The following RBM6 variants were observed in gnomAD, a reference collection of about 807,000 sequenced individuals.
RBM6 encodes the protein RNA binding motif protein 6, also known as RNA-binding protein 6.
A neutral mutation model predicts 140.4 loss-of-function variants in RBM6; 23 were observed. The ratio of observed to expected loss-of-function variants is 0.16; its 90% CI spans 0.12 to 0.23. The LOEUF (loss-of-function observed/expected upper bound fraction) is 0.23, where lower values mean the gene tolerates loss of function less well. RBM6 is among the 10% of genes least tolerant of loss of function. The probability of loss-of-function intolerance (pLI) is 1.00; values close to 1 mark genes in which losing one functional copy is unlikely to be tolerated. For synonymous variants in RBM6, 439 were observed against 475.6 expected, an observed-to-expected ratio of 0.92 and a Z score of 1.00; for missense variants, 1,139 against 1,386.7, an observed-to-expected ratio of 0.82 and a Z score of 2.84.
At chr3:49,984,659 TC>T (rs1446005062) in intron 5 of RBM6, among the ~76,000 whole-genome samples, 10 of 130,990 alleles carry the variant, frequency 7.6e-5, no homozygotes, top group Non-Finnish European at 1.5e-4. Flanking sequence ...TCGCATCGCA[TC>T]GCATTGCATC....
intron 19 of RBM6, among the ~76,000 whole-genome samples, chr3:50,073,827 C>T (rs1052256129): frequency 1.7e-4 from 25 of 149,468 alleles, no homozygotes; most frequent in Non-Finnish European, 3.1e-4. Flanking sequence ...AGGTTTTTTA[C>T]AGTCTGACCC....
intron 6 of RBM6, among the ~76,000 whole-genome samples, chr3:50,006,514 G>T (rs755839169): frequency 1.9e-4 from 29 of 152,150 alleles, no homozygotes; most frequent in Non-Finnish European, 3.4e-4. Flanking sequence ...GACTACCGGG[G>T]GTTGCATTTC....
chr3:49,941,015 A>G (rs1369931203), intron 1 of RBM6: 3 of 150,806 alleles, frequency 2.0e-5, no homozygotes, highest in African/African-American at 7.3e-5. Flanking sequence ...GATTTAAGTG[A>G]AGGAGTTCAG....
chr3:50,062,785 C>T (rs533368459), intron 15 of RBM6, among the ~76,000 whole-genome samples: 33 of 151,994 alleles, frequency 2.2e-4, no homozygotes, highest in Middle Eastern at 3.4e-3. Context: ...TCTATATACT[C>T]TATTATTTTT....
chr3:50,022,749 T>C (rs1411161629), intron 6 of RBM6, among the ~76,000 whole-genome samples: 1 of 152,094 alleles, frequency 6.6e-6, no homozygotes, highest in Non-Finnish European at 1.5e-5. Context: ...CAGCCAAAAA[T>C]GAAAAATAGG....
In RBM6 at chr3:50,070,445, T is replaced by A; in HGVS notation, c.3019-10T>A. 1 of 1,609,730 alleles carries A rather than the reference T, an allele frequency of 6.2e-7. No homozygotes were observed. Among genetic ancestry groups the A allele is most frequent in the Non-Finnish European group, 8.5e-7 (1 of 1,176,126 alleles). ...GGCAATCTCAGGTCTGCTCTTCTGC[T>A]TACCAACAGGGAAAGTTTAAAGGAA... On this transcript the variant is annotated splice_polypyrimidine_tract_variant and intron_variant, in intron 18 of 20. Coordinates refer to ENST00000266022, the MANE Select transcript of RBM6 (RefSeq NM_005777.3).
chr3:49,988,446 C>CT lies in RBM6; in HGVS notation c.1484-10982dup, dbSNP rs1055139507. ...GGTGTGAGCCAGTGCGCCTGGCCTT[C>CT]TTTTTTTTTTTTAACCACTATTTTT... On this transcript the variant is annotated intron_variant, in intron 5 of 20. Transcript: ENST00000266022. Among the ~76,000 whole-genome samples the CT allele has an allele frequency of 1.8e-3, 257 of 144,704 alleles. 1 individual carries two copies. The highest frequency in any genetic ancestry group is 7.2e-3 in the Middle Eastern group (2 of 276). 94.9% of individuals were successfully genotyped at this position (144,704 alleles called of 152,430 possible). A position where few individuals can be genotyped will look rare whatever the true frequency, so the allele number is the denominator to read the frequency against.
At chr3:50,050,444 A>G (rs573420372) in intron 7 of RBM6, among the ~76,000 whole-genome samples, 2 of 152,234 alleles carry the variant, frequency 1.3e-5, no homozygotes, top group African/African-American at 4.8e-5. Context: ...TTGTTCATCC[A>G]TTCCTCAATT....
rs958730517 is a variant in RBM6, at chr3:49,968,047, A to G, written c.622A>G (p.Arg208Gly). 2 of 1,614,196 alleles carry G rather than the reference A, an allele frequency of 1.2e-6. No homozygotes were observed. The highest frequency in any genetic ancestry group is 1.7e-5 in the Admixed American group (1 of 60,008). The stretch of plus-strand genomic sequence containing the variant: ...TTTATCAGATTTGGATTTTAGGGCC[A>G]GAGAACAGTCCCGTTCTGATTTTAG... Reference protein sequence around the residue: ...RDLSDLDFRAREQSRSDFRNR... With the variant: ...RDLSDLDFRAGEQSRSDFRNR... Residue 208 changes from arginine (R) to glycine (G), a missense_variant, in exon 3 of 21, where the codon AGA becomes GGA. Transcript: ENST00000266022.
chr3:49,994,982 T>C (rs896229046), intron 5 of RBM6, among the ~76,000 whole-genome samples: 1 of 152,168 alleles, frequency 6.6e-6, no homozygotes, highest in African/African-American at 2.4e-5. Flanking sequence ...GGGCCTGTTA[T>C]AGACTAATAA....
chr3:49,958,608 G>A (rs1311297511), intron 1 of RBM6, among the ~76,000 whole-genome samples: 2 of 147,254 alleles, frequency 1.4e-5, no homozygotes, highest in African/African-American at 2.5e-5. Flanking sequence ...AAAATTAGCC[G>A]GGCGTGGTGG....
Position 49,975,193 on chromosome 3 carries a change from A to T in RBM6, c.1414-130A>T. ...CAATATGTGAATGCCTTGAGTGTTC[A>T]TAGTTTAACTTTGCTTTTCCAAAGT... is the stretch of plus-strand genomic sequence containing the variant. On this transcript the variant is annotated intron_variant, in intron 4 of 20. Coordinates refer to ENST00000266022, the MANE Select transcript of RBM6 (RefSeq NM_005777.3). 11 of 766,066 alleles carry T rather than the reference A, an allele frequency of 1.4e-5. 1 individual carries two copies. Among genetic ancestry groups the T allele is most frequent in the African/African-American group, 5.2e-5 (3 of 58,020 alleles). The allele number at this position is 766,066 out of a possible 1,614,324, so 47.5% of individuals were successfully genotyped here.
At chr3:50,058,110 T>G in intron 9 of RBM6, 107 bp downstream of exon 9, 4 of 1,361,960 alleles carry the variant, frequency 2.9e-6, no homozygotes, top group Non-Finnish European at 4.0e-6. Context: ...CTGAGAGATC[T>G]GTGCATGACC....
chr3:50,043,792 A>AG (rs1346349348), intron 6 of RBM6, among the ~76,000 whole-genome samples: 1 of 151,724 alleles, frequency 6.6e-6, no homozygotes, highest in Non-Finnish European at 1.5e-5. Context: ...CCATGTTGGC[A>AG]GGGATGGTCT....
Position 49,975,511 on chromosome 3 carries a change from C to T in RBM6, c.1483+119C>T, listed in dbSNP as rs554389210. On this transcript the variant is annotated intron_variant, in intron 5 of 20. Coordinates refer to ENST00000266022, the MANE Select transcript of RBM6 (RefSeq NM_005777.3). ...ACAATTAAAATTTCCAGAAGCCTCC[C>T]GTTGGTGCCTCCAAATAACAACCAG... The T allele has an allele frequency of 1.8e-3, 1,445 of 812,372 alleles. 24 individuals are homozygous for T. In the South Asian group the frequency reaches 0.021, roughly 12 times the overall value. The allele number at this position is 812,372 out of a possible 1,614,324, so 50.3% of individuals were successfully genotyped here.
chr3:50,026,965 A>T (rs1160122556), intron 6 of RBM6, among the ~76,000 whole-genome samples: 3 of 151,784 alleles, frequency 2.0e-5, no homozygotes, highest in African/African-American at 7.3e-5. Context: ...TTTCATTCGC[A>T]TCCCTAAAAG....
intron 6 of RBM6, among the ~76,000 whole-genome samples, chr3:50,009,101 G>A (rs1200182600): frequency 6.6e-6 from 1 of 152,188 alleles, no homozygotes; most frequent in African/African-American, 2.4e-5. Flanking sequence ...GCTGAAAGTG[G>A]CAGGCAGTGC....
chr3:50,000,390 G>T, intron 6 of RBM6, among the ~76,000 whole-genome samples: 2 of 139,138 alleles, frequency 1.4e-5, no homozygotes, highest in South Asian at 2.3e-4. Flanking sequence ...ACTTAACAGT[G>T]TGAATACAGT....
intron 6 of RBM6, among the ~76,000 whole-genome samples, chr3:50,031,594 G>A (rs1022538393): frequency 4.0e-5 from 6 of 151,856 alleles, no homozygotes; most frequent in African/African-American, 1.5e-4. Context: ...GGTGGGGGAG[G>A]GGGGAGTGAT....
Sources: allele counts gnomAD v4.1 joint callset (sites outside exome capture counted in the v4.1 genomes callset), GRCh38; gene constraint gnomAD v4.1.1; transcripts MANE v1.5; gene names NCBI Gene and HGNC (gene_info 2026-07-23, HGNC 2026-07-21).